Variants in PCSK5 observed in about 807,000 individuals in gnomAD.
PCSK5 encodes proprotein convertase subtilisin/kexin type 5.
PCSK5 carries 129 observed loss-of-function variants against 233.2 expected under a neutral mutation model. The ratio of observed to expected loss-of-function variants is 0.55; its 90% CI spans 0.48 to 0.64. The LOEUF (loss-of-function observed/expected upper bound fraction) is 0.64, where lower values mean the gene tolerates loss of function less well. Among genes scored for constraint, PCSK5 ranks in the 30% least tolerant of loss-of-function variants. The pLI is 0.00. For synonymous variants in PCSK5, 825 were observed against 879.2 expected, an observed-to-expected ratio of 0.94 and a Z score of 1.09; for missense variants, 2,076 against 2,430.1, an observed-to-expected ratio of 0.85 and a Z score of 3.06.
intron 23 of PCSK5, 109 bp from the exon 24 acceptor site, chr9:76,240,507 C>A (rs927691983): frequency 1.3e-6 from 1 of 777,830 alleles, no homozygotes; most frequent in Non-Finnish European, 2.2e-6. Context: ...TTCATAATTG[C>A]TCTATGATTT....
intron 3 of PCSK5, among the ~76,000 whole-genome samples, chr9:75,988,710 C>T (rs991571366): frequency 1.3e-5 from 2 of 152,186 alleles, no homozygotes; most frequent in African/African-American, 4.8e-5. Context: ...GCCACTGTGC[C>T]TGGCCATGAA....
intron 22 of PCSK5, among the ~76,000 whole-genome samples, chr9:76,236,009 T>G (rs1826241714): frequency 6.6e-6 from 1 of 152,254 alleles, no homozygotes; most frequent in African/African-American, 2.4e-5. Flanking sequence ...ATTGCATCCC[T>G]TGTTTAATTG....
chr9:76,246,838 A>G (rs1826620448), intron 24 of PCSK5, among the ~76,000 whole-genome samples: 1 of 152,238 alleles, frequency 6.6e-6, no homozygotes, highest in Admixed American at 6.5e-5. Context: ...ATAGTATGCT[A>G]CTATTACCAG....
intron 9 of PCSK5, among the ~76,000 whole-genome samples, chr9:76,128,250 G>A (rs1041882902): frequency 1.3e-5 from 2 of 152,196 alleles, no homozygotes; most frequent in African/African-American, 2.4e-5. Flanking sequence ...TCAAGCTTGG[G>A]GTAAAAATGA....
chr9:75,900,678 CAAAAAA>C, intron 1 of PCSK5, among the ~76,000 whole-genome samples: 1 of 104,820 alleles, frequency 9.5e-6, no homozygotes, highest in Middle Eastern at 4.8e-3. Flanking sequence ...GACTCTGTCT[CAAAAAA>C]AAAAAAAAAA....
chr9:76,213,510 AT>A (rs1370462827), intron 20 of PCSK5, among the ~76,000 whole-genome samples: 1 of 151,956 alleles, frequency 6.6e-6, no homozygotes, highest in Non-Finnish European at 1.5e-5. Context: ...TGTCCTCACC[AT>A]TTTGGTTGTA....
chr9:76,281,641 T>C (rs894921629), intron 24 of PCSK5, among the ~76,000 whole-genome samples: 3 of 152,158 alleles, frequency 2.0e-5, no homozygotes, highest in African/African-American at 4.8e-5. Context: ...TGAAGAGTAA[T>C]TTCAAATTTC....
rs1342344656 is a variant in PCSK5 at position 76,328,827 on chromosome 9, G to A, written c.4570+588G>A. Among the ~76,000 whole-genome samples, 3 of 151,442 alleles carry A rather than the reference G, an allele frequency of 2.0e-5. No individual in the cohort carries two copies. In the South Asian group the frequency reaches 6.3e-4, roughly 32 times the overall value. On this transcript the variant is annotated intron_variant, in intron 33 of 37. Coordinates refer to ENST00000674117, the MANE Select transcript of PCSK5 (RefSeq NM_001372043.1). Reference sequence around the variant, plus strand: ...TCCCTTTTTTGTTTGTTTGTTTGTTGGGAAGGAGTCTCACTCAGTTGCTCA... The same window carrying A: ...TCCCTTTTTTGTTTGTTTGTTTGTTAGGAAGGAGTCTCACTCAGTTGCTCA...
chr9:75,965,589 T>A (rs963782093), intron 2 of PCSK5, among the ~76,000 whole-genome samples: 2 of 152,174 alleles, frequency 1.3e-5, no homozygotes, highest in Admixed American at 6.5e-5. Flanking sequence ...CCCACCCACA[T>A]TGGGGATGGC....
At chr9:76,042,549 G>T (rs181972922) in intron 5 of PCSK5, among the ~76,000 whole-genome samples, 12 of 152,246 alleles carry the variant, frequency 7.9e-5, no homozygotes, top group African/African-American at 1.2e-4. Flanking sequence ...CAGCTACTAG[G>T]GGGGGCTGAG....
chr9:75,890,557 G>A (rs1825537698), upstream of PCSK5: 1 of 152,754 alleles, frequency 6.5e-6, no homozygotes, highest in Non-Finnish European at 1.5e-5. Flanking sequence ...GTCAGCGCCT[G>A]GCTGCGGCCG....
chr9:76,089,233 A>G (rs1281980576), intron 7 of PCSK5, among the ~76,000 whole-genome samples: 1 of 152,088 alleles, frequency 6.6e-6, no homozygotes, highest in Non-Finnish European at 1.5e-5. Context: ...TCTCCCCGAG[A>G]GGAAGAATAT....
intron 1 of PCSK5, among the ~76,000 whole-genome samples, chr9:75,927,213 G>A (rs968553008): frequency 2.6e-5 from 4 of 152,152 alleles, no homozygotes; most frequent in South Asian, 2.1e-4. Flanking sequence ...TTTCATGTGC[G>A]TATTGGCCAT....
chr9:75,915,585 T>C (rs1272476175), intron 1 of PCSK5, among the ~76,000 whole-genome samples: 2 of 152,186 alleles, frequency 1.3e-5, no homozygotes, highest in Non-Finnish European at 2.9e-5. Context: ...CCCTGTTCTT[T>C]CACTAAATTA....
At chr9:76,134,990 T>C (rs1822911085) in intron 10 of PCSK5, among the ~76,000 whole-genome samples, 1 of 152,102 alleles carries the variant, frequency 6.6e-6, no homozygotes, top group South Asian at 2.1e-4. Context: ...GTAACAAACA[T>C]TAATTTGTTT....
intron 9 of PCSK5, among the ~76,000 whole-genome samples, chr9:76,118,862 T>G (rs1362728620): frequency 6.6e-6 from 1 of 152,076 alleles, no homozygotes; most frequent in African/African-American, 2.4e-5. Context: ...GTTCCAAATA[T>G]TCTTAATATA....
chr9:76,196,404 A>G (rs1044024506), intron 20 of PCSK5, among the ~76,000 whole-genome samples: 6 of 152,264 alleles, frequency 3.9e-5, no homozygotes, highest in African/African-American at 7.2e-5. Flanking sequence ...TTTGTCTAAA[A>G]TAAATCTCCG....
At chr9:76,208,936 T>G (rs938735709) in intron 20 of PCSK5, among the ~76,000 whole-genome samples, 1 of 152,224 alleles carries the variant, frequency 6.6e-6, no homozygotes, top group African/African-American at 2.4e-5. Flanking sequence ...CTCTCTAATA[T>G]ATTTTTGTCA....
rs563527095 is a variant in PCSK5, at chr9:76,003,635, A to G, written c.411+17390A>G. 3.4e-4 allele frequency among the ~76,000 whole-genome samples: 52 copies of G among 152,350 alleles called. No individual in the cohort carries two copies. The South Asian group carries it at 0.011, about 32-fold the overall frequency. On this transcript the variant is annotated intron_variant, in intron 3 of 37. Transcript: ENST00000674117. ...ATATTGCAGAATGCATCTCCTAAGA[A>G]CAACATTCTCCTGTATAACCAAAGT...
Sources: allele counts gnomAD v4.1 joint callset (sites outside exome capture counted in the v4.1 genomes callset), GRCh38; gene constraint gnomAD v4.1.1; transcripts MANE v1.5; gene names NCBI Gene and HGNC (gene_info 2026-07-23, HGNC 2026-07-21).